KDM2A: variants seen among roughly 807,000 people sequenced by gnomAD.
KDM2A encodes lysine-specific demethylase 2A.
A neutral mutation model predicts 137.3 loss-of-function variants in KDM2A; 3 were observed. The ratio of observed to expected loss-of-function variants is 0.02; its 90% CI spans 0.01 to 0.06. The LOEUF is 0.06. Ranked by LOEUF, KDM2A falls within the 10% of genes least tolerant of loss-of-function variation. The probability of loss-of-function intolerance (pLI) is 1.00; values close to 1 mark genes in which losing one functional copy is unlikely to be tolerated. For missense variants in KDM2A, 738 were observed against 1,510.6 expected (o/e 0.49, Z 8.48); for synonymous variants, 512 against 541.5 (o/e 0.95, Z 0.76).
At chr11:67,216,329 A>G (rs1379012495) in intron 8 of KDM2A, among the ~76,000 whole-genome samples, 1 of 152,222 alleles carries the variant, frequency 6.6e-6, no homozygotes, top group Admixed American at 6.5e-5. Context: ...GAAATCAGCA[A>G]ATTAAGATCT....
At chr11:67,148,726 G>A (rs924386645) in intron 2 of KDM2A, among the ~76,000 whole-genome samples, 5 of 152,076 alleles carry the variant, frequency 3.3e-5, no homozygotes, top group African/African-American at 4.8e-5. Flanking sequence ...ACTTGAACCC[G>A]GGAGGTGGAG....
intron 16 of KDM2A, among the ~76,000 whole-genome samples, chr11:67,249,202 C>G (rs1452709002): frequency 6.6e-6 from 1 of 152,210 alleles, no homozygotes; most frequent in Non-Finnish European, 1.5e-5. Context: ...TTAGTTCTTG[C>G]ACTAGTGACC....
chr11:67,168,582 T>TAATAAACAC (rs879358615), intron 2 of KDM2A, among the ~76,000 whole-genome samples: 1 of 33,984 alleles, frequency 2.9e-5, no homozygotes, highest in African/African-American at 1.3e-4. Context: ...GTATGAATTA[T>TAATAAACAC]ACACACACAC....
At chr11:67,181,712 A>AT in intron 4 of KDM2A, 134 bp from the exon 5 acceptor site, 3 of 700,342 alleles carry the variant, frequency 4.3e-6, no homozygotes, top group Non-Finnish European at 4.9e-6. Context: ...AATCACCTAT[A>AT]TTTTTAAAAT....
At chr11:67,238,375 A>G (rs1858930759) in intron 12 of KDM2A, among the ~76,000 whole-genome samples, 1 of 152,164 alleles carries the variant, frequency 6.6e-6, no homozygotes, top group Non-Finnish European at 1.5e-5. Flanking sequence ...TACTATCTCT[A>G]TAATATAGAT....
At chr11:67,205,670 C>T (rs957965110) in intron 5 of KDM2A, among the ~76,000 whole-genome samples, 60 of 151,968 alleles carry the variant, frequency 3.9e-4, no homozygotes, top group African/African-American at 1.4e-3. Flanking sequence ...TTAGTAGAGA[C>T]GGTGTTTTGC....
chr11:67,251,303 T>G (rs974111089), intron 17 of KDM2A, among the ~76,000 whole-genome samples: 1 of 152,192 alleles, frequency 6.6e-6, no homozygotes, highest in African/African-American at 2.4e-5. Context: ...TTCTTCAGTT[T>G]TAATGCTCAT....
At chr11:67,175,629 A>T (rs1452078444) in intron 2 of KDM2A, among the ~76,000 whole-genome samples, 1 of 152,210 alleles carries the variant, frequency 6.6e-6, no homozygotes, top group Non-Finnish European at 1.5e-5. Flanking sequence ...TAAGGAGAAG[A>T]AAAGCATGAA....
chr11:67,127,084 A>G lies in KDM2A; in HGVS notation c.42+5726A>G, dbSNP rs555822592. Reference sequence around the variant, plus strand: ...TGGGGTGGGTTGTTCTGAGGTAACAATGATTTATTTCTGTATTTCTTTTTC... The same window carrying G: ...TGGGGTGGGTTGTTCTGAGGTAACAGTGATTTATTTCTGTATTTCTTTTTC... On this transcript the variant is annotated intron_variant, in intron 2 of 20. Coordinates refer to ENST00000529006, the MANE Select transcript of KDM2A (RefSeq NM_012308.3). 9.2e-5 allele frequency among the ~76,000 whole-genome samples: 14 copies of G among 152,218 alleles called. No individual in the cohort carries two copies. The East Asian group carries it at 2.5e-3, about 27-fold the overall frequency.
chr11:67,128,837 G>A (rs942758632), intron 2 of KDM2A, among the ~76,000 whole-genome samples: 5 of 152,196 alleles, frequency 3.3e-5, no homozygotes, highest in African/African-American at 1.2e-4. Context: ...AGCAAGTGCT[G>A]AATAAGTATT....
In KDM2A at chr11:67,228,034, T is replaced by C. The variant is rs1464635325; in HGVS notation, c.958-3T>C. ...ATCTTTTCTCTATTTTATTCCTCTG[T>C]AGGTTCCAAATAAGTTTCGCTATCC... On this transcript the variant is annotated splice_polypyrimidine_tract_variant and splice_region_variant and intron_variant, in intron 10 of 20. Coordinates refer to ENST00000529006, the MANE Select transcript of KDM2A (RefSeq NM_012308.3). 3 of 1,611,610 alleles carry C rather than the reference T, an allele frequency of 1.9e-6. No individual in the cohort carries two copies. Among genetic ancestry groups the C allele is most frequent in the Non-Finnish European group, 2.5e-6 (3 of 1,177,826 alleles).
intron 12 of KDM2A, among the ~76,000 whole-genome samples, chr11:67,242,626 A>T (rs971658674): frequency 1.3e-5 from 2 of 152,156 alleles, no homozygotes; most frequent in Non-Finnish European, 2.9e-5. Flanking sequence ...CAAGTAAGGG[A>T]TTGGGAACAA....
chr11:67,208,540 T>C (rs1257515024), intron 6 of KDM2A, among the ~76,000 whole-genome samples: 2 of 151,886 alleles, frequency 1.3e-5, no homozygotes, highest in Non-Finnish European at 2.9e-5. Context: ...GGATCCGAGG[T>C]AGGCGGATCA....
chr11:67,252,479 C>G lies in KDM2A; in HGVS notation c.2769-215C>G, dbSNP rs1412164980. 4 of 577,078 alleles carry G rather than the reference C, an allele frequency of 6.9e-6. No homozygotes were observed. The East Asian group carries it at 1.2e-4, about 17-fold the overall frequency. 35.7% of individuals were successfully genotyped at this position (577,078 alleles called of 1,614,324 possible). On this transcript the variant is annotated intron_variant, in intron 17 of 20. Transcript: ENST00000529006. The stretch of plus-strand genomic sequence containing the variant: ...GTAAAGTGGTCAAGTTATATACTAT[C>G]AACATGTAGGTTTGCAAAGCGTCTA...
At chr11:67,222,158 G>A (rs1367677237) in intron 10 of KDM2A, among the ~76,000 whole-genome samples, 1 of 116,686 alleles carries the variant, frequency 8.6e-6, no homozygotes, top group Non-Finnish European at 1.8e-5. Context: ...ATAGTGGAGG[G>A]AAGGTCAGCA....
chr11:67,235,327 TGA>T (rs1422993745), intron 12 of KDM2A, among the ~76,000 whole-genome samples: 2 of 146,998 alleles, frequency 1.4e-5, no homozygotes, highest in Non-Finnish European at 3.0e-5. Flanking sequence ...TTTTTGAGAC[TGA>T]GTTTCACTGT....
chr11:67,213,755 CAAAAAAAA>C (rs71056186), intron 6 of KDM2A, among the ~76,000 whole-genome samples: 3 of 77,196 alleles, frequency 3.9e-5, no homozygotes, highest in Non-Finnish European at 6.5e-5. Context: ...CAGACCGTCT[CAAAAAAAA>C]AAAAAAAAAA....
chr11:67,141,104 C>T (rs1286399234), intron 2 of KDM2A, among the ~76,000 whole-genome samples: 2 of 152,030 alleles, frequency 1.3e-5, no homozygotes, highest in African/African-American at 2.4e-5. Flanking sequence ...GTTGTCTCAT[C>T]GATGAAAATA....
Position 67,119,332 on chromosome 11 carries a change from C to G in KDM2A, c.-801C>G. The G allele has an allele frequency of 6.0e-6, 1 of 166,560 alleles. No individual in the cohort carries two copies. Among genetic ancestry groups the G allele is most frequent in the Non-Finnish European group, 1.3e-5 (1 of 79,568 alleles). The allele number at this position is 166,560 out of a possible 1,614,324, so 10.3% of individuals were successfully genotyped here. ...GGCTCCTCCTGTGTGAGGGAAACAA[C>G]ACCCCTCCCCGGCAGCGGCGGCGGC... On this transcript the variant is annotated 5_prime_UTR_variant, in exon 1 of 21. Transcript: ENST00000529006.
Sources: allele counts gnomAD v4.1 joint callset (sites outside exome capture counted in the v4.1 genomes callset), GRCh38; gene constraint gnomAD v4.1.1; transcripts MANE v1.5; gene names NCBI Gene and HGNC (gene_info 2026-07-23, HGNC 2026-07-21).